Variants in C4orf50 observed in about 807,000 individuals in gnomAD.
C4orf50 encodes the protein uncharacterized protein C4orf50.
C4orf50 carries 80 observed loss-of-function variants against 77.2 expected under a neutral mutation model. The ratio of observed to expected loss-of-function variants is 1.04; its 90% CI spans 0.87 to 1.25. C4orf50 has a LOEUF of 1.25. C4orf50 is among the 50% of genes most tolerant of loss of function. The pLI, the probability that C4orf50 is intolerant of heterozygous loss-of-function variation, is 0.00. For synonymous variants in C4orf50, 532 were observed against 465.3 expected (o/e 1.14, Z -1.84); for missense variants, 1,257 against 1,152.9 (o/e 1.09, Z -1.31).
At chr4:5,926,286 C>T (rs1717507308) in intron 7 of C4orf50, among the ~76,000 whole-genome samples, 1 of 152,148 alleles carries the variant, frequency 6.6e-6, no homozygotes, top group African/African-American at 2.4e-5. Context: ...TCACCTGCTA[C>T]GGCGGAGGCT....
chr4:5,941,930 G>A (rs1718285810), intron 7 of C4orf50, among the ~76,000 whole-genome samples: 1 of 152,204 alleles, frequency 6.6e-6, no homozygotes, highest in South Asian at 2.1e-4. Context: ...TCCTTTCTTT[G>A]TCTTTCTTGG....
At chr4:5,952,440 G>C (rs375005609), downstream of C4orf50, among the ~76,000 whole-genome samples, 96 of 152,306 alleles carry the variant, frequency 6.3e-4, no homozygotes, top group South Asian at 0.018. This position sits in a 1 kb window ranked among gnomAD's most constrained non-coding sequence, Gnocchi z 4.4. Context: ...CAGGGCGAGG[G>C]AGCAGGGCGA....
At chr4:5,963,556 A>C (rs1010521818) in intron 33 of C4orf50, among the ~76,000 whole-genome samples, 1 of 152,150 alleles carries the variant, frequency 6.6e-6, no homozygotes, top group African/African-American at 2.4e-5. Context: ...CAAGCCTGAG[A>C]GGTAGATATT....
chr4:5,949,324 T>A (rs191827176), intron 7 of C4orf50, among the ~76,000 whole-genome samples: 1 of 152,340 alleles, frequency 6.6e-6, no homozygotes, highest in Non-Finnish European at 1.5e-5. Context: ...ACAAACAAGA[T>A]GTGCTTCTTC....
chr4:5,996,498 G>A (rs73196044), intron 25 of C4orf50, among the ~76,000 whole-genome samples: 9,723 of 122,402 alleles, frequency 0.079, 339 homozygotes, highest in African/African-American at 0.094. Flanking sequence ...TCTTCTCCCC[G>A]CACCTCAGAG....
chr4:5,981,377 A>AT (rs1346583599), intron 28 of C4orf50, among the ~76,000 whole-genome samples: 2 of 144,808 alleles, frequency 1.4e-5, no homozygotes, highest in African/African-American at 2.5e-5. Context: ...ATCAGGGGGT[A>AT]TTTCCAGGTG....
At chr4:5,940,037 A>T (rs184730181) in intron 7 of C4orf50, among the ~76,000 whole-genome samples, 146 of 152,358 alleles carry the variant, frequency 9.6e-4, no homozygotes, top group African/African-American at 3.3e-3. Context: ...CATGAAGCTC[A>T]GTTGCACATG....
chr4:5,930,350 G>A lies in C4orf50; in HGVS notation c.*2474+26551C>T, dbSNP rs544197414. 7.4e-4 allele frequency among the ~76,000 whole-genome samples: 113 copies of A among 152,276 alleles called. 1 individual carries two copies. The highest frequency in any genetic ancestry group is 2.6e-3 in the African/African-American group (107 of 41,538). On this transcript the variant is annotated intron_variant, in intron 7 of 7. Coordinates refer to the C4orf50 transcript ENST00000324058. ...GGTGCTATTTGGTCAGCTCTATAGG[G>A]ATTAACCCTGACTTCCGGCCCCCAT...
rs1273239642 is a variant in C4orf50, at chr4:5,992,912, G to A, written c.1112C>T (p.Pro371Leu). ...AGGCCTGATGCGGCTCCAGGTGCAG[G>A]GCCCCTCTGGGGACTGGCCTGGAAA... Residue 371 changes from proline (P) to leucine (L), a missense_variant, in exon 27 of 34, where the codon CCC (proline) becomes CTC (leucine). Pro to Leu is a moderately conservative substitution (Grantham distance 98). Coordinates refer to ENST00000531445, the Ensembl canonical transcript of C4orf50. The surrounding 1 kb of genome is among the most constrained non-coding windows in gnomAD (Gnocchi z 5.0). 3 of 398,956 alleles carry A rather than the reference G, an allele frequency of 7.5e-6. No individual in the cohort carries two copies. The highest frequency in any genetic ancestry group is 3.6e-5 in the East Asian group (1 of 28,060). 24.7% of individuals were successfully genotyped at this position (398,956 alleles called of 1,614,324 possible). A position where few individuals can be genotyped will look rare whatever the true frequency, so the allele number is the denominator to read the frequency against.
rs538598066 is a variant in C4orf50 at position 5,949,141 on chromosome 4, C to T, written c.*2474+7760G>A. 3.3e-5 allele frequency among the ~76,000 whole-genome samples: 5 copies of T among 152,120 alleles called. No homozygotes were observed. In the East Asian group the frequency reaches 7.7e-4, roughly 23 times the overall value. ...AGCAGAGGGGAGAGCACAGCAAACACCACAGCAGGGACACAGCAGCAAGAC... is the reference window on the plus strand; with the variant it reads ...AGCAGAGGGGAGAGCACAGCAAACATCACAGCAGGGACACAGCAGCAAGAC... On this transcript the variant is annotated intron_variant, in intron 7 of 7. Transcript: ENST00000324058.
intron 31 of C4orf50, among the ~76,000 whole-genome samples, chr4:5,968,226 A>C (rs1560570766): frequency 6.6e-6 from 1 of 152,152 alleles, no homozygotes; most frequent in Non-Finnish European, 1.5e-5. Flanking sequence ...GTAGATGTCA[A>C]GGCCCAATTC....
chr4:5,989,853 C>G, exon 28 of C4orf50: 1 of 1,462,340 alleles, frequency 6.8e-7, no homozygotes, highest in Non-Finnish European at 9.0e-7. Flanking sequence ...GATGCGGCAT[C>G]TCATCCTCTT....
At chr4:6,001,520 C>A (rs1004366125) in intron 25 of C4orf50, among the ~76,000 whole-genome samples, 2 of 152,166 alleles carry the variant, frequency 1.3e-5, no homozygotes, top group Non-Finnish European at 2.9e-5. Flanking sequence ...CAGTAGAAAT[C>A]CACAGGGGAG....
Position 5,916,614 on chromosome 4 carries a change from C to T in C4orf50, c.*2475-18426G>A, listed in dbSNP as rs960688520. Reference sequence around the variant, plus strand: ...CACCCTCAAAAGCAGAGCCTGAGACCCAGACAGGGGTGCAGGTGGTTTATT... The same window carrying T: ...CACCCTCAAAAGCAGAGCCTGAGACTCAGACAGGGGTGCAGGTGGTTTATT... On this transcript the variant is annotated intron_variant, in intron 7 of 7. Coordinates refer to the C4orf50 transcript ENST00000324058. This position sits in a 1 kb window ranked among gnomAD's most constrained non-coding sequence, Gnocchi z 4.4. Among the ~76,000 whole-genome samples, 8 of 152,096 alleles carry T rather than the reference C, an allele frequency of 5.3e-5. No homozygotes were observed. Among genetic ancestry groups the T allele is most frequent in the African/African-American group, 1.4e-4 (6 of 41,398 alleles).
intron 7 of C4orf50, among the ~76,000 whole-genome samples, chr4:5,948,389 G>A (rs1412527796): frequency 1.3e-5 from 2 of 152,234 alleles, no homozygotes; most frequent in South Asian, 2.1e-4. Context: ...CCAGGGCTGG[G>A]CGTGGTGGCT....
intron 25 of C4orf50, among the ~76,000 whole-genome samples, chr4:5,995,264 G>A (rs1480900982): frequency 6.6e-6 from 1 of 152,132 alleles, no homozygotes; most frequent in Non-Finnish European, 1.5e-5. Context: ...GTCCCACCCA[G>A]GGAGGAGGGT....
At chr4:5,937,196 A>C (rs4535278) in intron 7 of C4orf50, among the ~76,000 whole-genome samples, 39,163 of 152,038 alleles carry the variant, frequency 0.26, 6,748 homozygotes, top group African/African-American at 0.5. Flanking sequence ...AAATCTAAAA[A>C]AGTATTAACT....
At chr4:6,005,053 T>G (rs1054453509) in intron 25 of C4orf50, among the ~76,000 whole-genome samples, 4 of 152,188 alleles carry the variant, frequency 2.6e-5, no homozygotes, top group African/African-American at 4.8e-5. Context: ...GGAACCTGCC[T>G]GAAAGCATCT....
intron 7 of C4orf50, among the ~76,000 whole-genome samples, chr4:5,944,532 CA>C (rs1718401209): frequency 6.6e-6 from 1 of 152,186 alleles, no homozygotes; most frequent in African/African-American, 2.4e-5. Flanking sequence ...TCACATGGCC[CA>C]CTCTTCACTA....
Sources: gnomAD v4.1 joint callset for allele counts (sites outside exome capture counted in the v4.1 genomes callset) on GRCh38, gnomAD v4.1.1 for gene constraint, Gnocchi (gnomAD v3.1) non-coding constraint, MANE v1.5 for transcripts, NCBI Gene and HGNC (gene_info 2026-07-23, HGNC 2026-07-21) for gene names.